Variants in ANKMY2 observed in about 807,000 individuals in gnomAD.
ANKMY2 encodes the protein ankyrin repeat and MYND domain containing 2.
In ANKMY2, 36 loss-of-function variants were observed where a neutral mutation model predicts 50.4. The ratio of observed to expected loss-of-function variants is 0.71; its 90% CI spans 0.55 to 0.94. ANKMY2 has a LOEUF of 0.94. Ranked by LOEUF, ANKMY2 falls within the 40% of genes least tolerant of loss-of-function variation. ANKMY2 has a pLI of 0.00. For missense variants in ANKMY2, 565 were observed against 524.0 expected (o/e 1.08, Z -0.76); for synonymous variants, 187 against 178.8 (o/e 1.05, Z -0.36).
rs142541386 is a variant in ANKMY2 at position 16,610,610 on chromosome 7, A to G, written c.685T>C (p.Phe229Leu). 8.1e-5 allele frequency: 131 copies of G among 1,613,886 alleles called. No individual in the cohort carries two copies. The African/African-American group carries it at 1.6e-3, about 20-fold the overall frequency. The change falls in exon 6 of 10, where the codon TTT becomes CTT. Residue 229 changes from phenylalanine to leucine, a missense_variant. Coordinates refer to ENST00000306999, the MANE Select transcript of ANKMY2 (RefSeq NM_020319.3). ...TTTAAGAAGTTAATGCATTTCTGAAAGATACAGCTTATGTAATGCATCTTC... is the reference window on the plus strand; with the variant it reads ...TTTAAGAAGTTAATGCATTTCTGAAGGATACAGCTTATGTAATGCATCTTC... ...AMKMHYISCI[F>L]QKCINFLKDG...
At chr7:16,632,927 T>C (rs1353076892) in intron 2 of ANKMY2, among the ~76,000 whole-genome samples, 2 of 152,218 alleles carry the variant, frequency 1.3e-5, no homozygotes, top group Admixed American at 6.5e-5. Flanking sequence ...ATACCACCTT[T>C]CTGATTATAG....
chr7:16,636,045 C>A (rs939496763), intron 2 of ANKMY2, among the ~76,000 whole-genome samples: 5 of 151,892 alleles, frequency 3.3e-5, no homozygotes, highest in Non-Finnish European at 1.5e-5. Context: ...GTGGCTCATG[C>A]CTATAATCCC....
intron 4 of ANKMY2, among the ~76,000 whole-genome samples, chr7:16,621,303 AAAGT>A (rs1247292381): frequency 6.6e-6 from 1 of 152,174 alleles, no homozygotes; most frequent in Non-Finnish European, 1.5e-5. Flanking sequence ...TGAAAGACCA[AAAGT>A]CAGTCCCCTC....
At chr7:16,603,980 T>C (rs1414139004) in intron 8 of ANKMY2, among the ~76,000 whole-genome samples, 1 of 152,226 alleles carries the variant, frequency 6.6e-6, no homozygotes. Context: ...ATATAAATAG[T>C]TTGATTTAAT....
chr7:16,640,753 G>C (rs1390929322), intron 1 of ANKMY2, among the ~76,000 whole-genome samples: 3 of 152,040 alleles, frequency 2.0e-5, no homozygotes, highest in African/African-American at 7.2e-5. Flanking sequence ...GCAAACTCCT[G>C]GGTCCAAGTG....
intron 7 of ANKMY2, 91 bp from the exon 8 acceptor site, chr7:16,604,940 C>A: frequency 8.1e-7 from 1 of 1,234,124 alleles, no homozygotes; most frequent in Non-Finnish European, 1.1e-6. Context: ...TGCCGTCCTA[C>A]AATGTGACAC....
intron 4 of ANKMY2, among the ~76,000 whole-genome samples, chr7:16,621,079 A>C (rs1781428637): frequency 6.6e-6 from 1 of 152,216 alleles, no homozygotes; most frequent in Non-Finnish European, 1.5e-5. Flanking sequence ...AATCAAGATA[A>C]AGTTTAATAG....
rs755983090 is a variant in ANKMY2 at position 16,615,947 on chromosome 7, A to T, written c.371-43T>A. ...GAAAAGTTGTAGTTTTAGTATTAAA[A>T]ATAACACATCTGGTTTTTAAAATTA... On this transcript the variant is annotated intron_variant, in intron 4 of 9. Transcript: ENST00000306999. The T allele has an allele frequency of 1.4e-5, 22 of 1,545,212 alleles. No individual in the cohort carries two copies. The South Asian group carries it at 2.6e-4, about 19-fold the overall frequency.
chr7:16,619,093 C>T (rs73078989), intron 4 of ANKMY2, among the ~76,000 whole-genome samples: 26,490 of 151,508 alleles, frequency 0.17, 2,617 homozygotes, highest in Middle Eastern at 0.26. Context: ...AATATCTGTA[C>T]ATAAAAATAA....
intron 2 of ANKMY2, among the ~76,000 whole-genome samples, chr7:16,627,544 A>T (rs895370395): frequency 6.6e-6 from 1 of 152,230 alleles, no homozygotes; most frequent in Non-Finnish European, 1.5e-5. Flanking sequence ...AAAAATCTCA[A>T]ATAATGCCTC....
At chr7:16,605,038 A>G (rs1399736871) in intron 7 of ANKMY2, among the ~76,000 whole-genome samples, 189 bp from the exon 8 acceptor site, 9 of 152,330 alleles carry the variant, frequency 5.9e-5, no homozygotes, top group African/African-American at 2.2e-4. Context: ...TTTTCTGTAC[A>G]AAACATATGA....
Position 16,600,885 on chromosome 7 carries a change from C to T in ANKMY2, c.1202G>A (p.Gly401Asp). The T allele has an allele frequency of 6.2e-7, 1 of 1,611,936 alleles. No individual in the cohort carries two copies. Among genetic ancestry groups the T allele is most frequent in the Non-Finnish European group, 8.5e-7 (1 of 1,178,996 alleles). ...AGGATTGGAATCCTTTTGAGAGATACCTACTTCAGCCTCTGGTTGCTCTTC... is the reference window on the plus strand; with the variant it reads ...AGGATTGGAATCCTTTTGAGAGATATCTACTTCAGCCTCTGGTTGCTCTTC... ...VNEEQPEAEV[G>D]ISQKDSNPED... The change falls in exon 10 of 10, where the codon GGT (glycine) becomes GAT (aspartate). Residue 401 changes from glycine (G) to aspartate (D), a missense_variant. Physicochemically the swap from Gly to Asp is moderately conservative, Grantham distance 94. Coordinates refer to ENST00000306999, the MANE Select transcript of ANKMY2 (RefSeq NM_020319.3).
chr7:16,611,422 T>C (rs1781247979), intron 5 of ANKMY2, among the ~76,000 whole-genome samples: 1 of 152,214 alleles, frequency 6.6e-6, no homozygotes, highest in African/African-American at 2.4e-5. Flanking sequence ...ACATTTCCTA[T>C]GTATGCACAG....
intron 1 of ANKMY2, chr7:16,644,621 C>A (rs1443228789): frequency 2.6e-5 from 12 of 453,436 alleles, no homozygotes; most frequent in Middle Eastern, 3.4e-4. Flanking sequence ...TGCCCGGAGT[C>A]GCACGCATCA....
At chr7:16,642,512 T>C (rs1781759646) in intron 1 of ANKMY2, among the ~76,000 whole-genome samples, 1 of 152,208 alleles carries the variant, frequency 6.6e-6, no homozygotes, top group Non-Finnish European at 1.5e-5. Flanking sequence ...GGCTGGCAGA[T>C]GGGAATCACT....
At chr7:16,612,611 A>G (rs1443333211) in intron 5 of ANKMY2, among the ~76,000 whole-genome samples, 1 of 152,216 alleles carries the variant, frequency 6.6e-6, no homozygotes, top group Non-Finnish European at 1.5e-5. Flanking sequence ...ACAAGTGAGA[A>G]TTCTTTCAAA....
intron 9 of ANKMY2, 42 bp downstream of exon 9, chr7:16,602,338 C>A (rs756021171): frequency 1.3e-6 from 2 of 1,597,606 alleles, no homozygotes; most frequent in African/African-American, 1.3e-5. Context: ...TCATCTCTCT[C>A]TCCACTAAAA....
intron 6 of ANKMY2, among the ~76,000 whole-genome samples, chr7:16,610,159 A>G (rs547062078): frequency 6.6e-6 from 1 of 152,310 alleles, no homozygotes; most frequent in East Asian, 1.9e-4. Context: ...GCAGCATAAC[A>G]CACAGCTCTC....
chr7:16,641,820 C>G (rs1366857526), intron 1 of ANKMY2, among the ~76,000 whole-genome samples: 21 of 152,078 alleles, frequency 1.4e-4, no homozygotes. Flanking sequence ...TTGTATGATT[C>G]TACTAATATA....
Sources: allele counts gnomAD v4.1 joint callset (sites outside exome capture counted in the v4.1 genomes callset), GRCh38; gene constraint gnomAD v4.1.1; transcripts MANE v1.5; gene names NCBI Gene and HGNC (gene_info 2026-07-23, HGNC 2026-07-21).